The following ZNF222 variants were observed in gnomAD, a reference collection of about 807,000 sequenced individuals.
The protein encoded by ZNF222 is zinc finger protein 222.
ZNF222 carries 8 observed loss-of-function variants against 11.6 expected under a neutral mutation model. The observed-to-expected ratio is 0.69, with a 90% CI of 0.41 to 1.25. ZNF222 has a LOEUF of 1.25. ZNF222 is among the 50% of genes most tolerant of loss of function. The pLI is 0.01. For missense variants in ZNF222, 483 were observed against 576.1 expected (o/e 0.84, Z 1.65); for synonymous variants, 171 against 195.6 (o/e 0.87, Z 1.05).
rs1325406247 is a variant in ZNF222 at position 44,025,534 on chromosome 19, CG to C, written c.42+62del. ...TCCAGTCAGCTGAGCCTTCTGGCGT[CG>C]GGGGGCTCTGCTAGGGTCTCAGGGA... On this transcript the variant is annotated intron_variant, in intron 1 of 3. Coordinates refer to ENST00000391960, the MANE Select transcript of ZNF222 (RefSeq NM_001129996.2). This position sits in a 1 kb window ranked among gnomAD's most constrained non-coding sequence, Gnocchi z 4.6. 2.6e-6 allele frequency: 4 copies of C among 1,510,728 alleles called. No homozygotes were observed. The East Asian group carries it at 7.4e-5, about 28-fold the overall frequency. The allele number at this position is 1,510,728 out of a possible 1,614,324, so 93.6% of individuals were successfully genotyped here.
At chr19:44,031,766 C>T in intron 3 of ZNF222, 51 bp from the exon 4 acceptor site, 1 of 1,573,734 alleles carries the variant, frequency 6.4e-7, no homozygotes, top group Non-Finnish European at 8.6e-7. Context: ...CAGGTGTGAG[C>T]CACCGTGCCT....
At chr19:44,029,494 TTTAA>T (rs1365917313) in intron 3 of ZNF222, among the ~76,000 whole-genome samples, 2 of 152,210 alleles carry the variant, frequency 1.3e-5, no homozygotes, top group Non-Finnish European at 2.9e-5. Flanking sequence ...TTTATACAAA[TTTAA>T]TTGTCAAAAA....
chr19:44,030,117 G>A (rs760788007), intron 3 of ZNF222, among the ~76,000 whole-genome samples: 2 of 152,024 alleles, frequency 1.3e-5, no homozygotes, highest in African/African-American at 2.4e-5. Flanking sequence ...TTCATTCCAC[G>A]TGTTTCTGAA....
chr19:44,027,096 G>A lies in ZNF222; in HGVS notation c.116G>A (p.Arg39Lys). The A allele has an allele frequency of 6.2e-7, 1 of 1,614,092 alleles. No homozygotes were observed. Among genetic ancestry groups the A allele is most frequent in the Non-Finnish European group, 8.5e-7 (1 of 1,180,016 alleles). ...EELGLLDPAQ[R>K]KLYRDVMLEN... ...CTGGGGCTGCTGGACCCTGCCCAGA[G>A]GAAGCTGTACCGAGATGTGATGCTT... Residue 39 changes from arginine (R) to lysine (K), a missense_variant, in exon 2 of 4, where the codon AGG becomes AAG. Arg to Lys is a conservative substitution (Grantham distance 26, BLOSUM62 2). Transcript: ENST00000391960.
chr19:44,029,734 A>G (rs372180937), intron 3 of ZNF222, among the ~76,000 whole-genome samples: 2 of 152,216 alleles, frequency 1.3e-5, no homozygotes, highest in East Asian at 3.8e-4. Context: ...ATACTTATCA[A>G]TTAATATTTT....
chr19:44,032,836 A>C lies in ZNF222; in HGVS notation c.1282A>C (p.Lys428Gln). 5 of 1,613,396 alleles carry C rather than the reference A, an allele frequency of 3.1e-6. No individual in the cohort carries two copies. The highest frequency in any genetic ancestry group is 4.2e-6 in the Non-Finnish European group (5 of 1,179,848). Residue 428 changes from lysine (K) to glutamine (Q), a missense_variant, in exon 4 of 4, where the codon AAG becomes CAG. Coordinates refer to ENST00000391960, the MANE Select transcript of ZNF222 (RefSeq NM_001129996.2). ...ACATGCTTCTAGTATTTTGAATCAT[A>C]AGAAACTCCACTGCCAAAGAAAGCC... ...FRHASSILNH[K>Q]KLHCQRKPLK...
Position 44,027,443 on chromosome 19 carries a change from A to C in ZNF222, c.215A>C (p.Glu72Ala). The change falls in exon 3 of 4, where the codon GAA (glutamate) becomes GCA (alanine). Residue 72 changes from glutamate (E) to alanine (A), a missense_variant. Coordinates refer to ENST00000391960, the MANE Select transcript of ZNF222 (RefSeq NM_001129996.2). ...HGDTFHFLRE[E>A]KFWVMGTTSQ... ...GATACTTTCCACTTCCTAAGGGAAG[A>C]AAAGTTTTGGGTGATGGGGACAACA... 6.2e-7 allele frequency: 1 copy of C among 1,614,156 alleles called. No individual in the cohort carries two copies. Among genetic ancestry groups the C allele is most frequent in the African/African-American group, 1.3e-5 (1 of 75,028 alleles).
rs199842563 is a variant in ZNF222, at chr19:44,030,260, CA to C, written c.263-1553del. Among the ~76,000 whole-genome samples, 9 of 152,178 alleles carry C rather than the reference CA, an allele frequency of 5.9e-5. No homozygotes were observed. The East Asian group carries it at 1.7e-3, about 29-fold the overall frequency. On this transcript the variant is annotated intron_variant, in intron 3 of 3. Coordinates refer to ENST00000391960, the MANE Select transcript of ZNF222 (RefSeq NM_001129996.2). The stretch of plus-strand genomic sequence containing the variant: ...TAACCAAGTTACTTACTATCCATAT[CA>C]AAACAGAAAAATAAGATTAAGTATT...
intron 3 of ZNF222, 38 bp from the exon 4 acceptor site, chr19:44,031,779 C>A: frequency 4.4e-6 from 7 of 1,589,046 alleles, no homozygotes; most frequent in South Asian, 1.2e-5. Context: ...CCGTGCCTGG[C>A]CTACTTGTCC....
At position 44,026,595 on chromosome 19, in the gene ZNF222, T is replaced by C. The variant is rs182627701; in HGVS notation, c.43-428T>C. ...AGAGTTTCGCTCTTGTTGCTTAGGC[T>C]GGAGTGCAGTGGTGCAATCTTGGCT... On this transcript the variant is annotated intron_variant, in intron 1 of 3. Coordinates refer to ENST00000391960, the MANE Select transcript of ZNF222 (RefSeq NM_001129996.2). 4.7e-3 allele frequency among the ~76,000 whole-genome samples: 717 copies of C among 151,500 alleles called. 9 individuals carry two copies. The highest frequency in any genetic ancestry group is 0.016 in the African/African-American group (669 of 41,112).
chr19:44,031,476 TTTTTG>T (rs1169159678), intron 3 of ZNF222, among the ~76,000 whole-genome samples: 1 of 152,014 alleles, frequency 6.6e-6, no homozygotes, highest in African/African-American at 2.4e-5. Flanking sequence ...TTTGTTTCTG[TTTTTG>T]TTTTGTTTTG....
chr19:44,032,557 A>C lies in ZNF222; in HGVS notation c.1003A>C (p.Ile335Leu). ...ATCTGAAAAGTATGGAAGAGGTTTC[A>C]TTGATAGGCTAGATTTGCATAAGCA... is the stretch of plus-strand genomic sequence containing the variant. Reference protein sequence around the residue: ...YKSEKYGRGFIDRLDLHKHQM... With the variant: ...YKSEKYGRGFLDRLDLHKHQM... The change falls in exon 4 of 4, where the codon ATT becomes CTT. Residue 335 changes from isoleucine (I) to leucine (L), a missense_variant. Coordinates refer to ENST00000391960, the MANE Select transcript of ZNF222 (RefSeq NM_001129996.2). 11 of 1,614,240 alleles carry C rather than the reference A, an allele frequency of 6.8e-6. No individual in the cohort carries two copies. The highest frequency in any genetic ancestry group is 9.3e-6 in the Non-Finnish European group (11 of 1,180,046).
intron 3 of ZNF222, among the ~76,000 whole-genome samples, chr19:44,029,181 G>GTTTT (rs142571594): frequency 1.1e-4 from 12 of 113,712 alleles, no homozygotes; most frequent in African/African-American, 3.6e-4. Context: ...TTGTTGGTTT[G>GTTTT]TTTTGTTTTG....
chr19:44,027,327 A>G (rs149254085), intron 2 of ZNF222, 71 bp from the exon 3 acceptor site: 158 of 1,573,888 alleles, frequency 1.0e-4, no homozygotes, highest in Non-Finnish European at 1.2e-4. Context: ...GTACACTGCA[A>G]TTACGTTTGC....
intron 3 of ZNF222, 150 bp from the exon 4 acceptor site, chr19:44,031,667 G>C (rs992601424): frequency 2.1e-5 from 17 of 792,010 alleles, no homozygotes; most frequent in Non-Finnish European, 2.8e-5. Flanking sequence ...GTTTTTAGTA[G>C]AGACAGGGCA....
At position 44,033,010 on chromosome 19, in the gene ZNF222, T is replaced by C; in HGVS notation, c.1456T>C (p.Leu486=). The change falls in exon 4 of 4, where the codon TTA becomes CTA. Residue 486 remains leucine, a synonymous_variant. Transcript: ENST00000391960. Reference sequence around the variant, plus strand: ...CTTGAATCTGGATATAATTTTATCATTATTTTTAAATGACATATAAGTTAT... The same window carrying C: ...CTTGAATCTGGATATAATTTTATCACTATTTTTAAATGACATATAAGTTAT... ...RRLNLDIILS[L]FLNDI 6.5e-7 allele frequency: 1 copy of C among 1,545,306 alleles called. No individual in the cohort carries two copies. The highest frequency in any genetic ancestry group is 8.7e-7 in the Non-Finnish European group (1 of 1,152,436).
chr19:44,032,165 A>C lies in ZNF222; in HGVS notation c.611A>C (p.Gln204Pro). 6.2e-7 allele frequency: 1 copy of C among 1,614,238 alleles called. No homozygotes were observed. Among genetic ancestry groups the C allele is most frequent in the Non-Finnish European group, 8.5e-7 (1 of 1,180,044 alleles). ...TACATCTCAGCCCTTCATATTCATC[A>C]GAGGGTCCACATGGGAGTGAAATGC... is the stretch of plus-strand genomic sequence containing the variant. The part of the protein sequence containing the change: ...FCYISALHIH[Q>P]RVHMGVKCYK... The change falls in exon 4 of 4, where the codon CAG (glutamine) becomes CCG (proline). Residue 204 changes from glutamine (Q) to proline (P), a missense_variant. By Grantham distance (76) the Gln-to-Pro change is moderately conservative (BLOSUM62 -1). Transcript: ENST00000391960.
In ZNF222 at chr19:44,032,367, T is replaced by G; in HGVS notation, c.813T>G (p.Cys271Trp). 1 of 1,614,180 alleles carries G rather than the reference T, an allele frequency of 6.2e-7. No individual in the cohort carries two copies. The highest frequency in any genetic ancestry group is 1.1e-5 in the South Asian group (1 of 91,082). Residue 271 changes from cysteine to tryptophan, a missense_variant, in exon 4 of 4, where the codon TGT (cysteine) becomes TGG (tryptophan). Transcript: ENST00000391960. The part of the protein sequence containing the change: ...KLHMREKPYN[C>W]EKCGKAFMHN... ...ACATGAGAGAGAAACCTTATAATTG[T>G]GAGAAATGTGGGAAGGCTTTCATGC...
chr19:44,025,818 C>T lies in ZNF222; in HGVS notation c.42+340C>T, dbSNP rs1030504830. Among the ~76,000 whole-genome samples, 6 of 152,194 alleles carry T rather than the reference C, an allele frequency of 3.9e-5. No individual in the cohort carries two copies. Among genetic ancestry groups the T allele is most frequent in the Non-Finnish European group, 8.8e-5 (6 of 68,040 alleles). ...CCTGTCACTCGGTGTCTGGTGGTCT[C>T]TTGTTAATTTCCCACGAAGCCTGTC... is the stretch of plus-strand genomic sequence containing the variant. On this transcript the variant is annotated intron_variant, in intron 1 of 3. Transcript: ENST00000391960. This position sits in a 1 kb window ranked among gnomAD's most constrained non-coding sequence, Gnocchi z 4.6.
Sources: allele counts gnomAD v4.1 joint callset (sites outside exome capture counted in the v4.1 genomes callset), GRCh38; gene constraint gnomAD v4.1.1; non-coding constraint Gnocchi (gnomAD v3.1); transcripts MANE v1.5; gene names NCBI Gene and HGNC (gene_info 2026-07-23, HGNC 2026-07-21).